THSD7B: variants seen among roughly 807,000 people sequenced by gnomAD.
THSD7B encodes the protein thrombospondin type-1 domain-containing protein 7B.
A neutral mutation model predicts 213.6 loss-of-function variants in THSD7B; 138 were observed. The ratio of observed to expected loss-of-function variants is 0.65; its 90% CI spans 0.56 to 0.74. The LOEUF is 0.74. THSD7B is among the 30% of genes least tolerant of loss of function. The pLI, the probability that THSD7B is intolerant of heterozygous loss-of-function variation, is 0.00. For synonymous variants in THSD7B, 742 were observed against 687.0 expected (o/e 1.08, Z -1.25); for missense variants, 1,931 against 1,991.5 (o/e 0.97, Z 0.58).
chr2:136,900,572 A>C (rs1233971867), intron 2 of THSD7B, among the ~76,000 whole-genome samples: 2 of 152,198 alleles, frequency 1.3e-5, no homozygotes, highest in Non-Finnish European at 2.9e-5. Context: ...ATTTTATAAA[A>C]GACCAAAAAG....
At chr2:137,058,949 C>T (rs768694701) in intron 3 of THSD7B, among the ~76,000 whole-genome samples, 2 of 152,158 alleles carry the variant, frequency 1.3e-5, no homozygotes, top group African/African-American at 4.8e-5. Context: ...TTTAAGCCAT[C>T]CAGCTTCTGG....
intron 12 of THSD7B, among the ~76,000 whole-genome samples, chr2:137,338,219 G>C (rs749109719): frequency 1.8e-4 from 28 of 152,120 alleles, no homozygotes; most frequent in African/African-American, 4.1e-4. Context: ...GGCCAGGTAG[G>C]CTTGCTCATA....
At chr2:137,005,442 ACTGG>A (rs1487007155) in intron 2 of THSD7B, among the ~76,000 whole-genome samples, 1 of 152,186 alleles carries the variant, frequency 6.6e-6, no homozygotes, top group African/African-American at 2.4e-5. Flanking sequence ...ACTTTGTTTG[ACTGG>A]CACCTTGTGA....
At chr2:137,259,967 T>C (rs1682403401) in intron 10 of THSD7B, among the ~76,000 whole-genome samples, 1 of 152,048 alleles carries the variant, frequency 6.6e-6, no homozygotes, top group Non-Finnish European at 1.5e-5. Flanking sequence ...TTGTAGGTTT[T>C]GCCTCCTCTT....
At chr2:136,956,822 G>A (rs1343065931) in intron 2 of THSD7B, among the ~76,000 whole-genome samples, 4 of 151,902 alleles carry the variant, frequency 2.6e-5, no homozygotes, top group Non-Finnish European at 5.9e-5. Flanking sequence ...TGGGATTATA[G>A]GCGCAAACCA....
At chr2:137,281,553 C>T (rs1418217586) in intron 12 of THSD7B, among the ~76,000 whole-genome samples, 3 of 150,918 alleles carry the variant, frequency 2.0e-5, no homozygotes, top group East Asian at 3.9e-4. Flanking sequence ...TGCTATCCCC[C>T]CACCCCCACC....
At chr2:137,569,003 A>T (rs1205244676) in intron 16 of THSD7B, among the ~76,000 whole-genome samples, 1 of 152,158 alleles carries the variant, frequency 6.6e-6, no homozygotes, top group Non-Finnish European at 1.5e-5. Context: ...GGACTTTGTG[A>T]TGGGAAGATT....
chr2:137,412,238 C>G (rs1235937669), intron 14 of THSD7B, among the ~76,000 whole-genome samples: 1 of 150,796 alleles, frequency 6.6e-6, no homozygotes, highest in African/African-American at 2.4e-5. Context: ...TAGAAGGCAT[C>G]AGAACTTGAG....
chr2:136,989,282 G>C (rs917177230), intron 2 of THSD7B, among the ~76,000 whole-genome samples: 1 of 151,740 alleles, frequency 6.6e-6, no homozygotes, highest in African/African-American at 2.4e-5. Context: ...AGTGTTGGTG[G>C]AGGGCCTAGT....
At chr2:137,619,784 A>T (rs1682481026) in intron 19 of THSD7B, among the ~76,000 whole-genome samples, 1 of 152,228 alleles carries the variant, frequency 6.6e-6, no homozygotes, top group South Asian at 2.1e-4. Context: ...ACAAAACTAG[A>T]ATATCCATAT....
intron 1 of THSD7B, among the ~76,000 whole-genome samples, chr2:136,788,706 T>C (rs1681911846): frequency 2.0e-5 from 3 of 152,102 alleles, no homozygotes; most frequent in Non-Finnish European, 2.9e-5. Flanking sequence ...AAACCTTAAG[T>C]TTTATGGCCC....
At chr2:137,380,638 A>G (rs781264203) in intron 12 of THSD7B, among the ~76,000 whole-genome samples, 1 of 152,182 alleles carries the variant, frequency 6.6e-6, no homozygotes, top group African/African-American at 2.4e-5. Context: ...GAAGCTGAAA[A>G]GGGTGAGATA....
intron 1 of THSD7B, among the ~76,000 whole-genome samples, chr2:136,872,587 C>A (rs1206464227): frequency 1.7e-5 from 2 of 116,478 alleles, no homozygotes; most frequent in Non-Finnish European, 3.5e-5. Context: ...CTTTCTTTTT[C>A]TTTCTTTCTT....
intron 15 of THSD7B, among the ~76,000 whole-genome samples, chr2:137,464,592 C>T (rs1573640875): frequency 6.6e-6 from 1 of 152,114 alleles, no homozygotes; most frequent in Non-Finnish European, 1.5e-5. Context: ...TAAGTCTTTG[C>T]ACTTTGTACT....
chr2:137,525,695 G>A (rs1209879270), intron 15 of THSD7B, among the ~76,000 whole-genome samples: 1 of 152,108 alleles, frequency 6.6e-6, no homozygotes, highest in African/African-American at 2.4e-5. Context: ...GCTTAAAAAT[G>A]GAAATATTAT....
chr2:137,292,106 C>T (rs1683352324), intron 12 of THSD7B, among the ~76,000 whole-genome samples: 1 of 152,134 alleles, frequency 6.6e-6, no homozygotes, highest in Non-Finnish European at 1.5e-5. Context: ...GTGTTGGCTT[C>T]ACTTCTCATG....
chr2:137,101,267 C>T (rs1688144717), intron 4 of THSD7B, among the ~76,000 whole-genome samples: 1 of 152,102 alleles, frequency 6.6e-6, no homozygotes, highest in Non-Finnish European at 1.5e-5. Context: ...GTCTCAAACT[C>T]CTGATCTCAA....
intron 12 of THSD7B, among the ~76,000 whole-genome samples, chr2:137,280,856 G>T (rs1469211131): frequency 6.6e-6 from 1 of 152,130 alleles, no homozygotes; most frequent in African/African-American, 2.4e-5. Flanking sequence ...TGTCGTTTCT[G>T]TAAGTGGAGT....
intron 2 of THSD7B, among the ~76,000 whole-genome samples, chr2:136,899,243 A>G (rs1240243467): frequency 1.3e-5 from 2 of 152,142 alleles, no homozygotes; most frequent in Non-Finnish European, 2.9e-5. Context: ...GGCTATGTCG[A>G]GTGCTCTAAA....
Sources: gnomAD v4.1 joint callset for allele counts (sites outside exome capture counted in the v4.1 genomes callset) on GRCh38, gnomAD v4.1.1 for gene constraint, MANE v1.5 for transcripts, NCBI Gene and HGNC (gene_info 2026-07-23, HGNC 2026-07-21) for gene names.